The following IGF2BP3 variants were observed in gnomAD, a reference collection of about 807,000 sequenced individuals.
IGF2BP3 encodes insulin-like growth factor 2 mRNA-binding protein 3.
Under a neutral mutation model 73.8 loss-of-function variants are expected in IGF2BP3, and 9 were observed. That is an observed-to-expected ratio of 0.12 (90% confidence interval 0.07 to 0.21). The LOEUF (loss-of-function observed/expected upper bound fraction) is 0.21, where lower values mean the gene tolerates loss of function less well. Among genes scored for constraint, IGF2BP3 ranks in the 10% least tolerant of loss-of-function variants. The pLI is 1.00. For synonymous variants in IGF2BP3, 258 were observed against 256.7 expected (o/e 1.01, Z -0.05); for missense variants, 542 against 714.0 (o/e 0.76, Z 2.75).
In IGF2BP3 at chr7:23,410,169, A is replaced by C. The variant is rs1239794064; in HGVS notation, c.285+8607T>G. On this transcript the variant is annotated intron_variant, in intron 3 of 14. Transcript: ENST00000258729. ...GGGTGACAGAGCGACACTCCATCTTAAAATTTTTTTTAAAAATAAAGATAC... is the reference window on the plus strand; with the variant it reads ...GGGTGACAGAGCGACACTCCATCTTCAAATTTTTTTTAAAAATAAAGATAC... Among the ~76,000 whole-genome samples the C allele has an allele frequency of 5.3e-5, 8 of 151,948 alleles. No homozygotes were observed. In the South Asian group the frequency reaches 1.7e-3, roughly 32 times the overall value.
At chr7:23,392,295 G>C (rs1229738742) in intron 3 of IGF2BP3, among the ~76,000 whole-genome samples, 2 of 151,680 alleles carry the variant, frequency 1.3e-5, no homozygotes, top group African/African-American at 2.4e-5. Flanking sequence ...AATGAGAAAG[G>C]CAACACTTTC....
rs528135711 is a variant in IGF2BP3, at chr7:23,349,898, G to T, written c.683+1407C>A. On this transcript the variant is annotated intron_variant, in intron 6 of 14. Transcript: ENST00000258729. Reference sequence around the variant, plus strand: ...ATAATGAATTTCTGCAGGTAACGGTGGATCAAGGGAAGCAAGAAGCCCTTA... The same window carrying T: ...ATAATGAATTTCTGCAGGTAACGGTTGATCAAGGGAAGCAAGAAGCCCTTA... Among the ~76,000 whole-genome samples, 12 of 152,290 alleles carry T rather than the reference G, an allele frequency of 7.9e-5. No homozygotes were observed. In the South Asian group the frequency reaches 1.7e-3, roughly 21 times the overall value.
intron 10 of IGF2BP3, among the ~76,000 whole-genome samples, chr7:23,323,212 AGGAT>A (rs879306054): frequency 3.6e-3 from 543 of 152,072 alleles, no homozygotes; most frequent in Non-Finnish European, 5.7e-3. Context: ...TCAAAATAAA[AGGAT>A]GGAGGAAGAT....
intron 2 of IGF2BP3, among the ~76,000 whole-genome samples, chr7:23,423,970 T>C (rs182034833): frequency 6.6e-6 from 1 of 151,750 alleles, no homozygotes; most frequent in African/African-American, 2.4e-5. Context: ...ACATAAAAAT[T>C]AGCTGGGCAT....
chr7:23,315,121 A>T (rs1229504971), intron 12 of IGF2BP3, among the ~76,000 whole-genome samples: 2 of 148,942 alleles, frequency 1.3e-5, no homozygotes, highest in African/African-American at 2.5e-5. Flanking sequence ...ATTTTTTTTT[A>T]TTTTTTTATT....
chr7:23,401,104 C>T (rs564134322), intron 3 of IGF2BP3, among the ~76,000 whole-genome samples: 7 of 152,274 alleles, frequency 4.6e-5, no homozygotes, highest in South Asian at 2.1e-4. Context: ...GCCCAAAACC[C>T]TAATTGTTAA....
intron 12 of IGF2BP3, among the ~76,000 whole-genome samples, chr7:23,316,617 G>A (rs1783995545): frequency 1.4e-5 from 2 of 147,770 alleles, no homozygotes; most frequent in African/African-American, 5.0e-5. Context: ...GGAGTTTGCA[G>A]TGAGCTGAGA....
At chr7:23,463,583 T>C (rs1266176579) in intron 2 of IGF2BP3, among the ~76,000 whole-genome samples, 1 of 152,200 alleles carries the variant, frequency 6.6e-6, no homozygotes, top group Non-Finnish European at 1.5e-5. Flanking sequence ...TAGTTTATCA[T>C]AATGGCATCT....
chr7:23,434,653 C>T (rs1787765422), intron 2 of IGF2BP3, among the ~76,000 whole-genome samples: 1 of 152,116 alleles, frequency 6.6e-6, no homozygotes, highest in Non-Finnish European at 1.5e-5. Context: ...TCTTTTCTCC[C>T]AAGATATAAT....
At chr7:23,317,556 G>C (rs1583874419) in intron 12 of IGF2BP3, 83 bp downstream of exon 12, 3 of 943,880 alleles carry the variant, frequency 3.2e-6, no homozygotes, top group Non-Finnish European at 5.2e-6. Context: ...CTGAGATTTA[G>C]ACATATTTAA....
chr7:23,367,327 T>C (rs897531609), intron 3 of IGF2BP3, among the ~76,000 whole-genome samples: 1 of 152,066 alleles, frequency 6.6e-6, no homozygotes, highest in African/African-American at 2.4e-5. Flanking sequence ...AGTGTTCCTG[T>C]TACCTGTCAC....
intron 2 of IGF2BP3, among the ~76,000 whole-genome samples, chr7:23,466,223 ATGT>A (rs1009789178): frequency 6.6e-5 from 10 of 152,110 alleles, no homozygotes; most frequent in Admixed American, 5.9e-4. Flanking sequence ...GGGTTTCACC[ATGT>A]TGACCAGGCT....
At chr7:23,459,096 A>G (rs1168251426) in intron 2 of IGF2BP3, among the ~76,000 whole-genome samples, 2 of 152,226 alleles carry the variant, frequency 1.3e-5, no homozygotes, top group Non-Finnish European at 2.9e-5. Flanking sequence ...CTTTCTTATA[A>G]TATTTAAATA....
chr7:23,429,022 T>C (rs979401355), intron 2 of IGF2BP3, among the ~76,000 whole-genome samples: 1 of 152,182 alleles, frequency 6.6e-6, no homozygotes, highest in African/African-American at 2.4e-5. Flanking sequence ...TTAGCTTGTA[T>C]GTTTCTTGCC....
intron 2 of IGF2BP3, among the ~76,000 whole-genome samples, chr7:23,438,420 G>A (rs1322224865): frequency 6.6e-6 from 1 of 152,076 alleles, no homozygotes; most frequent in East Asian, 1.9e-4. Context: ...ACTACACTGG[G>A]CCACATACAA....
At chr7:23,449,632 C>T (rs1452257689) in intron 2 of IGF2BP3, among the ~76,000 whole-genome samples, 8 of 145,160 alleles carry the variant, frequency 5.5e-5, no homozygotes, top group African/African-American at 1.8e-4. Context: ...TCTTGGGTCA[C>T]TGCAAACCTC....
intron 3 of IGF2BP3, chr7:23,405,226 A>C (rs999826268): frequency 3.3e-5 from 5 of 152,244 alleles, no homozygotes; most frequent in African/African-American, 1.2e-4. Flanking sequence ...TCAAAGAAAC[A>C]ACTTAAACTT....
intron 10 of IGF2BP3, among the ~76,000 whole-genome samples, chr7:23,326,503 G>T (rs914094733): frequency 2.6e-5 from 4 of 151,652 alleles, no homozygotes; most frequent in Admixed American, 6.6e-5. Context: ...GTGGAAGTCA[G>T]TGTGGCAATT....
At chr7:23,320,281 A>C (rs560068211) in intron 10 of IGF2BP3, among the ~76,000 whole-genome samples, 1 of 152,242 alleles carries the variant, frequency 6.6e-6, no homozygotes, top group Middle Eastern at 3.4e-3. Context: ...GTCATTCATA[A>C]ATAGATTTTA....
Sources: gnomAD v4.1 joint callset for allele counts (sites outside exome capture counted in the v4.1 genomes callset) on GRCh38, gnomAD v4.1.1 for gene constraint, MANE v1.5 for transcripts, NCBI Gene and HGNC (gene_info 2026-07-23, HGNC 2026-07-21) for gene names.